Variants in SORBS2 observed in about 807,000 individuals in gnomAD.
The protein encoded by SORBS2 is sorbin and SH3 domain-containing protein 2.
In SORBS2, 46 loss-of-function variants were observed where a neutral mutation model predicts 97.7. That is an observed-to-expected ratio of 0.47 (90% CI 0.37 to 0.60). The LOEUF (loss-of-function observed/expected upper bound fraction) is 0.60, where lower values mean the gene tolerates loss of function less well. SORBS2 is among the 20% of genes least tolerant of loss of function. The pLI, the probability that SORBS2 is intolerant of heterozygous loss-of-function variation, is 0.00. For missense variants in SORBS2, 1,316 were observed against 1,282.3 expected (o/e 1.03, Z -0.40); for synonymous variants, 476 against 473.4 (o/e 1.01, Z -0.07).
chr4:185,867,313 A>G (rs1272313940), intron 1 of SORBS2, among the ~76,000 whole-genome samples: 1 of 152,186 alleles, frequency 6.6e-6, no homozygotes, highest in Non-Finnish European at 1.5e-5. Flanking sequence ...CCTGGCCAGA[A>G]GGTTTATTTT....
chr4:185,845,319 C>T (rs940085387), intron 1 of SORBS2, among the ~76,000 whole-genome samples: 1 of 152,074 alleles, frequency 6.6e-6, no homozygotes, highest in African/African-American at 2.4e-5. Flanking sequence ...TGTGCCTGGC[C>T]ATGAAAATGT....
At chr4:185,785,732 C>T (rs1238160659) in intron 1 of SORBS2, among the ~76,000 whole-genome samples, 1 of 152,220 alleles carries the variant, frequency 6.6e-6, no homozygotes, top group Non-Finnish European at 1.5e-5. Context: ...ACAGGAGGCC[C>T]TCCCCACGTG....
chr4:185,897,408 C>T (rs1266286579), intron 1 of SORBS2, among the ~76,000 whole-genome samples: 2 of 152,136 alleles, frequency 1.3e-5, no homozygotes, highest in African/African-American at 2.4e-5. Context: ...TAGACCACAC[C>T]CTTTCGTCCA....
chr4:185,633,558 TATTA>T (rs1289504780), intron 4 of SORBS2, among the ~76,000 whole-genome samples: 1 of 151,898 alleles, frequency 6.6e-6, no homozygotes, highest in East Asian at 1.9e-4. Flanking sequence ...TATTGTGTAA[TATTA>T]ATTAACAGAA....
At chr4:185,840,962 A>C (rs1167430499) in intron 1 of SORBS2, among the ~76,000 whole-genome samples, 6 of 152,202 alleles carry the variant, frequency 3.9e-5, no homozygotes, top group Non-Finnish European at 7.3e-5. Context: ...GGCGTAAAGC[A>C]AAGTGTCCTG....
At chr4:185,626,707 T>C (rs75242221) in intron 6 of SORBS2, 125 bp downstream of exon 18, 3 of 922,538 alleles carry the variant, frequency 3.3e-6, no homozygotes, top group South Asian at 1.5e-5. Context: ...TCTAAAACTA[T>C]ATTTTATTCC....
chr4:185,773,060 A>AAAAC (rs1560937270), intron 2 of SORBS2: 47 of 151,578 alleles, frequency 3.1e-4, no homozygotes, highest in African/African-American at 1.0e-3. Flanking sequence ...GAAAGAAAAA[A>AAAAC]AAAACAAAAC....
At chr4:185,830,191 G>A (rs1470648207) in intron 1 of SORBS2, among the ~76,000 whole-genome samples, 1 of 152,074 alleles carries the variant, frequency 6.6e-6, no homozygotes, top group Non-Finnish European at 1.5e-5. Context: ...TATTAACCTA[G>A]ATGTAGCACA....
At chr4:185,860,257 T>C (rs931900266) in intron 1 of SORBS2, among the ~76,000 whole-genome samples, 8 of 152,228 alleles carry the variant, frequency 5.3e-5, no homozygotes, top group African/African-American at 1.9e-4. Flanking sequence ...AAGGTTGATA[T>C]GGTTTTTCTT....
intron 1 of SORBS2, among the ~76,000 whole-genome samples, chr4:185,857,065 A>T (rs11934426): frequency 0.54 from 82,672 of 151,972 alleles, 22,990 homozygotes; most frequent in East Asian, 0.79. Context: ...CCAGACCATA[A>T]CAGGAAGTAA....
chr4:185,906,645 A>AAATG (rs1472317899), intron 1 of SORBS2, among the ~76,000 whole-genome samples: 17 of 152,258 alleles, frequency 1.1e-4, no homozygotes, highest in Non-Finnish European at 8.8e-5. Flanking sequence ...GTGAATGAAT[A>AAATG]AATGAATGAC....
At chr4:185,789,064 G>T (rs766148450) in intron 1 of SORBS2, among the ~76,000 whole-genome samples, 15 of 152,120 alleles carry the variant, frequency 9.9e-5, no homozygotes, top group Non-Finnish European at 2.1e-4. Context: ...ACACACCTGC[G>T]CTCTGGACTC....
chr4:185,846,432 T>C (rs1045739714), intron 1 of SORBS2, among the ~76,000 whole-genome samples: 3 of 152,202 alleles, frequency 2.0e-5, no homozygotes, highest in Admixed American at 6.5e-5. Context: ...AGGACCCTTT[T>C]TGAAGAGATG....
chr4:185,952,028 CTT>C (rs1205368551), intron 1 of SORBS2, among the ~76,000 whole-genome samples: 4 of 135,118 alleles, frequency 3.0e-5, no homozygotes, highest in African/African-American at 1.0e-4. Flanking sequence ...GTTAAAATAG[CTT>C]CTTTTTTTTT....
chr4:185,838,232 C>G (rs1187778919), intron 1 of SORBS2, among the ~76,000 whole-genome samples: 1 of 152,272 alleles, frequency 6.6e-6, no homozygotes, highest in Non-Finnish European at 1.5e-5. Context: ...TGCCCAGCTT[C>G]CCGGCTGCAG....
chr4:185,763,013 A>C (rs551151944), intron 2 of SORBS2, among the ~76,000 whole-genome samples: 2 of 152,254 alleles, frequency 1.3e-5, no homozygotes, highest in South Asian at 2.1e-4. Flanking sequence ...ACATGGTGAA[A>C]TCCCATCTCT....
intron 13 of SORBS2, among the ~76,000 whole-genome samples, chr4:185,592,466 T>A (rs1252587742): frequency 6.6e-6 from 1 of 152,256 alleles, no homozygotes; most frequent in Non-Finnish European, 1.5e-5. Context: ...TTTTATCATG[T>A]GATCTTATCA....
chr4:185,702,069 G>A (rs1389502704), intron 2 of SORBS2, among the ~76,000 whole-genome samples: 1 of 152,078 alleles, frequency 6.6e-6, no homozygotes, highest in Admixed American at 6.5e-5. Context: ...GTGCTGGGCC[G>A]CAAATTTCTT....
At chr4:185,954,829 G>A (rs919505156) in intron 1 of SORBS2, among the ~76,000 whole-genome samples, 7 of 152,002 alleles carry the variant, frequency 4.6e-5, no homozygotes, top group African/African-American at 1.5e-4. Context: ...GTGGAGGCAG[G>A]TGCCTGTAAT....
Sources: gnomAD v4.1 joint callset for allele counts (sites outside exome capture counted in the v4.1 genomes callset) on GRCh38, gnomAD v4.1.1 for gene constraint, MANE v1.5 for transcripts, NCBI Gene and HGNC (gene_info 2026-07-23, HGNC 2026-07-21) for gene names.